The following BMP7 variants were observed in gnomAD, a reference collection of about 807,000 sequenced individuals.
BMP7 encodes osteogenic protein 1.
A neutral mutation model predicts 41.2 loss-of-function variants in BMP7; 12 were observed. The observed-to-expected ratio is 0.29, with a 90% CI of 0.19 to 0.47. The LOEUF is 0.47. BMP7 is among the 20% of genes least tolerant of loss of function. The pLI is 0.99. For synonymous variants in BMP7, 248 were observed against 250.0 expected (o/e 0.99, Z 0.07); for missense variants, 467 against 606.0 (o/e 0.77, Z 2.41).
At chr20:57,187,554 C>CCTCTCTCTCTCTCTCT (rs140073062) in intron 3 of BMP7, among the ~76,000 whole-genome samples, 7 of 144,020 alleles carry the variant, frequency 4.9e-5, no homozygotes, top group African/African-American at 7.8e-5. Flanking sequence ...GGAAGCCTGC[C>CCTCTCTCTCTCTCTCT]CTCTCTCTCT....
rs1983820028 is a variant in BMP7 at position 57,171,691 on chromosome 20, C to G, written c.1147-583G>C. On this transcript the variant is annotated intron_variant, in intron 6 of 6. Transcript: ENST00000395863. The surrounding 1 kb of genome is among the most constrained non-coding windows in gnomAD (Gnocchi z 4.5). Reference sequence around the variant, plus strand: ...AGATCTGCCACGTGTTCAAGACAGGCCAGAGATTCCACTGTCCTGTTGTTT... The same window carrying G: ...AGATCTGCCACGTGTTCAAGACAGGGCAGAGATTCCACTGTCCTGTTGTTT... Among the ~76,000 whole-genome samples the G allele has an allele frequency of 1.3e-5, 2 of 152,170 alleles. No homozygotes were observed. The highest frequency in any genetic ancestry group is 1.3e-4 in the Admixed American group (2 of 15,280).
At chr20:57,255,292 TA>T (rs913777637) in intron 1 of BMP7, among the ~76,000 whole-genome samples, 2 of 152,136 alleles carry the variant, frequency 1.3e-5, no homozygotes, top group Non-Finnish European at 2.9e-5. Flanking sequence ...TCCTCCTCTC[TA>T]AAATGGAAAT....
At chr20:57,222,170 C>T (rs1906312246) in intron 2 of BMP7, among the ~76,000 whole-genome samples, 1 of 152,172 alleles carries the variant, frequency 6.6e-6, no homozygotes, top group African/African-American at 2.4e-5. Context: ...ACCTGCTGAG[C>T]CCCCGCCCGC....
At chr20:57,256,450 T>C (rs2066134648) in intron 1 of BMP7, among the ~76,000 whole-genome samples, 1 of 152,240 alleles carries the variant, frequency 6.6e-6, no homozygotes, top group African/African-American at 2.4e-5. Context: ...GAGCAAGCAG[T>C]GGTATCGTCA....
intron 1 of BMP7, among the ~76,000 whole-genome samples, chr20:57,244,667 G>T (rs1240127583): frequency 6.6e-6 from 1 of 152,232 alleles, no homozygotes; most frequent in East Asian, 1.9e-4. Context: ...GCTGTTGGGA[G>T]AATTCAAGGA....
intron 3 of BMP7, among the ~76,000 whole-genome samples, chr20:57,195,494 C>T (rs959518592): frequency 2.6e-5 from 4 of 152,252 alleles, no homozygotes; most frequent in African/African-American, 9.6e-5. Context: ...CGATCCCCGC[C>T]ACTGGGTCAT....
intron 3 of BMP7, among the ~76,000 whole-genome samples, chr20:57,197,896 T>C (rs1473065117): frequency 3.3e-5 from 5 of 152,178 alleles, no homozygotes; most frequent in Non-Finnish European, 7.4e-5. Flanking sequence ...TGCCAGAGTA[T>C]GAGTGTGCAG....
intron 1 of BMP7, among the ~76,000 whole-genome samples, chr20:57,231,360 A>G (rs1035013558): frequency 6.6e-6 from 1 of 152,228 alleles, no homozygotes. Context: ...CAGTGCTGCT[A>G]TGAACATCAC....
rs564436711 is a variant in BMP7, at chr20:57,215,660, G to C, written c.611+12569C>G. On this transcript the variant is annotated intron_variant, in intron 2 of 6. Transcript: ENST00000395863. This position sits in a 1 kb window ranked among gnomAD's most constrained non-coding sequence, Gnocchi z 4.2. ...TGCAGAGCTTCTGACACGGCTCTGG[G>C]GGAAATCCCACACGGATGGGCAGCT... is the stretch of plus-strand genomic sequence containing the variant. The C allele has an allele frequency of 3.5e-4, 53 of 151,848 alleles. No individual in the cohort carries two copies. Among genetic ancestry groups the C allele is most frequent in the African/African-American group, 1.2e-3 (51 of 41,172 alleles). The allele number at this position is 151,848 out of a possible 1,614,324, so 9.4% of individuals were successfully genotyped here.
Position 57,266,219 on chromosome 20 carries a change from T to G in BMP7, c.-97A>C. On this transcript the variant is annotated 5_prime_UTR_variant, in exon 1 of 7. Coordinates refer to ENST00000395863, the MANE Select transcript of BMP7 (RefSeq NM_001719.3). ...GCGGCCGTCCGCGCCGCTCGGTCAC[T>G]TGCTGCAGACGGGCCCCGCTGCGCC... 1 of 1,289,926 alleles carries G rather than the reference T, an allele frequency of 7.8e-7. No individual in the cohort carries two copies. Among genetic ancestry groups the G allele is most frequent in the Non-Finnish European group, 1.0e-6 (1 of 1,000,404 alleles). The allele number at this position is 1,289,926 out of a possible 1,614,324, so 79.9% of individuals were successfully genotyped here.
chr20:57,207,811 G>GTTT (rs572613876), intron 2 of BMP7, among the ~76,000 whole-genome samples: 23 of 109,966 alleles, frequency 2.1e-4, no homozygotes, highest in East Asian at 5.0e-4. Context: ...ACCCCAGTTG[G>GTTT]TTTTTTTTTT....
intron 3 of BMP7, among the ~76,000 whole-genome samples, chr20:57,188,171 T>C (rs937560866): frequency 6.6e-6 from 1 of 152,164 alleles, no homozygotes; most frequent in Non-Finnish European, 1.5e-5. Flanking sequence ...GCAGCATTAT[T>C]TATGATGGCC....
chr20:57,199,471 C>T (rs990526579), intron 3 of BMP7, among the ~76,000 whole-genome samples: 25 of 152,230 alleles, frequency 1.6e-4, no homozygotes, highest in South Asian at 6.2e-4. Context: ...GATTTGCCCA[C>T]GGAAACAAAA....
In BMP7 at chr20:57,173,185, T is replaced by C. The variant is rs773463308; in HGVS notation, c.1146+15A>G. ...CGGCCCAGGTGACCACACCCCAAGA[T>C]GGCGTGACACCCACCAGCGTCTGCA... is the stretch of plus-strand genomic sequence containing the variant. On this transcript the variant is annotated intron_variant, in intron 6 of 6. Coordinates refer to ENST00000395863, the MANE Select transcript of BMP7 (RefSeq NM_001719.3). 1 of 1,612,062 alleles carries C rather than the reference T, an allele frequency of 6.2e-7. No individual in the cohort carries two copies.
intron 2 of BMP7, among the ~76,000 whole-genome samples, chr20:57,222,321 A>G (rs540192630): frequency 6.6e-6 from 1 of 152,260 alleles, no homozygotes; most frequent in East Asian, 1.9e-4. Flanking sequence ...GGCCCACCAG[A>G]TGGCCTCAGG....
intron 1 of BMP7, among the ~76,000 whole-genome samples, chr20:57,231,669 T>C (rs182293298): frequency 6.6e-6 from 1 of 152,078 alleles, no homozygotes; most frequent in Non-Finnish European, 1.5e-5. Flanking sequence ...AGCCCTTGAG[T>C]CGTGCCATGA....
chr20:57,195,208 G>A (rs1455261733), intron 3 of BMP7, among the ~76,000 whole-genome samples: 1 of 152,218 alleles, frequency 6.6e-6, no homozygotes, highest in African/African-American at 2.4e-5. Flanking sequence ...TGGTAAAGGA[G>A]GGGATGCAGC....
At chr20:57,201,786 A>C (rs1404856366) in intron 3 of BMP7, among the ~76,000 whole-genome samples, 3 of 152,216 alleles carry the variant, frequency 2.0e-5, no homozygotes, top group Non-Finnish European at 4.4e-5. Context: ...AAAAATTAGC[A>C]TAGAGAAGTC....
At chr20:57,217,486 C>A (rs1381843135) in intron 2 of BMP7, among the ~76,000 whole-genome samples, 1 of 152,220 alleles carries the variant, frequency 6.6e-6, no homozygotes, top group Non-Finnish European at 1.5e-5. Flanking sequence ...AGTCTGGGGA[C>A]CCCGTGTGGC....
Sources: allele counts gnomAD v4.1 joint callset (sites outside exome capture counted in the v4.1 genomes callset), GRCh38; gene constraint gnomAD v4.1.1; non-coding constraint Gnocchi (gnomAD v3.1); transcripts MANE v1.5; gene names NCBI Gene and HGNC (gene_info 2026-07-23, HGNC 2026-07-21).